TMEM131L: variants seen among roughly 807,000 people sequenced by gnomAD.
TMEM131L encodes transmembrane 131 like, also known as transmembrane protein 131-like.
TMEM131L carries 54 observed loss-of-function variants against 192.2 expected under a neutral mutation model. The ratio of observed to expected loss-of-function variants is 0.28; its 90% CI spans 0.23 to 0.35. The LOEUF is 0.35. TMEM131L is among the 10% of genes least tolerant of loss of function. TMEM131L has a pLI of 1.00. For missense variants in TMEM131L, 1,888 were observed against 1,972.9 expected (o/e 0.96, Z 0.82); for synonymous variants, 701 against 704.9 (o/e 0.99, Z 0.09).
intron 7 of TMEM131L, among the ~76,000 whole-genome samples, chr4:153,561,674 C>T (rs1347640644): frequency 1.3e-5 from 2 of 152,172 alleles, no homozygotes; most frequent in Non-Finnish European, 2.9e-5. Context: ...TCTGTGGCCC[C>T]ATTCCTGGCT....
chr4:153,483,544 CA>C (rs200271979), intron 3 of TMEM131L, among the ~76,000 whole-genome samples: 2 of 150,652 alleles, frequency 1.3e-5, no homozygotes, highest in South Asian at 2.1e-4. Flanking sequence ...AAAAACAAAA[CA>C]AAAAAAAAGT....
Position 153,471,276 on chromosome 4 carries a change from G to A in TMEM131L, c.196-2569G>A, listed in dbSNP as rs140819586. Among the ~76,000 whole-genome samples the A allele has an allele frequency of 1.6e-4, 24 of 152,214 alleles. 1 individual carries two copies. The highest frequency in any genetic ancestry group is 5.5e-4 in the African/African-American group (23 of 41,536). On this transcript the variant is annotated intron_variant, in intron 2 of 34. Coordinates refer to ENST00000409959, the MANE Select transcript of TMEM131L (RefSeq NM_001131007.2). ...GCTGAGATTACAGGTGTGAGTCACC[G>A]TGCCCGGCCCATGTCTTCGTTTTTC...
At chr4:153,520,889 G>T (rs1371852084) in intron 3 of TMEM131L, among the ~76,000 whole-genome samples, 3 of 152,208 alleles carry the variant, frequency 2.0e-5, no homozygotes, top group Non-Finnish European at 4.4e-5. Context: ...GGTAATTGTA[G>T]CTTCTGCTTT....
At chr4:153,542,579 A>G (rs1194518287) in intron 3 of TMEM131L, among the ~76,000 whole-genome samples, 1 of 152,210 alleles carries the variant, frequency 6.6e-6, no homozygotes, top group Non-Finnish European at 1.5e-5. Context: ...TGGTATCCAC[A>G]TAGGGTTCTT....
At position 153,591,106 on chromosome 4, in the gene TMEM131L, CAGA is replaced by C; in HGVS notation, c.1725_1727del (p.Glu576del). 1 of 1,610,536 alleles carries C rather than the reference CAGA, an allele frequency of 6.2e-7. No homozygotes were observed. The highest frequency in any genetic ancestry group is 8.5e-7 in the Non-Finnish European group (1 of 1,177,900). On this transcript the variant is annotated inframe_deletion, in exon 17 of 35. Coordinates refer to ENST00000409959, the MANE Select transcript of TMEM131L (RefSeq NM_001131007.2). Reference sequence around the variant, plus strand: ...GCTCACTTGAAGAAATCCAAGGAGTCAGAGTCCTTTGTTTTCTTTTTGCCTCGT... The same window carrying C: ...GCTCACTTGAAGAAATCCAAGGAGTCGTCCTTTGTTTTCTTTTTGCCTCGT...
intron 7 of TMEM131L, among the ~76,000 whole-genome samples, chr4:153,569,164 A>G (rs1729417966): frequency 6.6e-6 from 1 of 152,238 alleles, no homozygotes; most frequent in African/African-American, 2.4e-5. Context: ...GTTTAGGGAA[A>G]GAGAAGCCTC....
intron 3 of TMEM131L, among the ~76,000 whole-genome samples, chr4:153,488,777 C>T (rs1732548828): frequency 3.3e-5 from 5 of 152,190 alleles, no homozygotes. Context: ...AGTCCTCTGT[C>T]AAGCCGGCAG....
intron 4 of TMEM131L, among the ~76,000 whole-genome samples, chr4:153,550,709 T>A (rs957824174): frequency 7.3e-6 from 1 of 136,718 alleles, no homozygotes; most frequent in African/African-American, 3.3e-5. Flanking sequence ...CCAAAACAAA[T>A]CCGGTTATTT....
At chr4:153,559,257 A>G (rs1400163884) in intron 7 of TMEM131L, among the ~76,000 whole-genome samples, 1 of 152,226 alleles carries the variant, frequency 6.6e-6, no homozygotes, top group African/African-American at 2.4e-5. Flanking sequence ...CAAGTACATA[A>G]TTCTTAGGGA....
chr4:153,476,385 A>G (rs116269527), intron 3 of TMEM131L, among the ~76,000 whole-genome samples: 3,049 of 152,308 alleles, frequency 0.02, 54 homozygotes, highest in South Asian at 0.069. Flanking sequence ...TTTGAACATA[A>G]CTATGTATTC....
intron 3 of TMEM131L, among the ~76,000 whole-genome samples, chr4:153,534,679 C>A (rs1009769925): frequency 6.6e-6 from 1 of 152,134 alleles, no homozygotes; most frequent in Non-Finnish European, 1.5e-5. Context: ...GTGATACGCC[C>A]GCCTCGGCCT....
intron 7 of TMEM131L, among the ~76,000 whole-genome samples, chr4:153,578,021 C>G (rs1730075911): frequency 6.6e-6 from 1 of 152,088 alleles, no homozygotes; most frequent in Non-Finnish European, 1.5e-5. Flanking sequence ...AACTCAGTGT[C>G]TGATGGTTAA....
chr4:153,516,743 A>G (rs1421098811), intron 3 of TMEM131L, among the ~76,000 whole-genome samples: 1 of 152,122 alleles, frequency 6.6e-6, no homozygotes, highest in Non-Finnish European at 1.5e-5. Context: ...CCTTATGCTA[A>G]TGTCTTGAGA....
chr4:153,631,011 A>G (rs893731792), intron 31 of TMEM131L, among the ~76,000 whole-genome samples: 2 of 152,234 alleles, frequency 1.3e-5, no homozygotes, highest in African/African-American at 4.8e-5. Flanking sequence ...CACCTAAACC[A>G]TTGGCAATAG....
chr4:153,534,084 T>C (rs1205655146), intron 3 of TMEM131L, among the ~76,000 whole-genome samples: 1 of 152,140 alleles, frequency 6.6e-6, no homozygotes, highest in Non-Finnish European at 1.5e-5. Flanking sequence ...TAAAAAGAAA[T>C]ATTATGAGGC....
rs143066041 is a variant in TMEM131L, at chr4:153,611,643, C to T, written c.3419-609C>T. ...ATAATAAATACCCATTATCTCCTTT[C>T]CCCAGCCCCTGTTAACCACCAGTCT... On this transcript the variant is annotated intron_variant, in intron 25 of 34. Coordinates refer to ENST00000409959, the MANE Select transcript of TMEM131L (RefSeq NM_001131007.2). Among the ~76,000 whole-genome samples, 167 of 152,236 alleles carry T rather than the reference C, an allele frequency of 1.1e-3. 1 individual carries two copies. Among genetic ancestry groups the T allele is most frequent in the African/African-American group, 3.9e-3 (164 of 41,534 alleles).
Position 153,586,374 on chromosome 4 carries a change from A to T in TMEM131L, c.1477A>T (p.Thr493Ser). 2 of 1,595,708 alleles carry T rather than the reference A, an allele frequency of 1.3e-6. No individual in the cohort carries two copies. Among genetic ancestry groups the T allele is most frequent in the Non-Finnish European group, 1.7e-6 (2 of 1,173,634 alleles). Residue 493 changes from threonine to serine, a missense_variant, in exon 14 of 35, where the codon ACC becomes TCC. Coordinates refer to ENST00000409959, the MANE Select transcript of TMEM131L (RefSeq NM_001131007.2). ...AIPLQIYSAPTKEGSLGFEVI... is the reference protein window; with the variant it reads ...AIPLQIYSAPSKEGSLGFEVI... ...ACCTCTACAGATTTATTCAGCACCAACCAAGGTATTTTCTACAATACTATA... is the reference window on the plus strand; with the variant it reads ...ACCTCTACAGATTTATTCAGCACCATCCAAGGTATTTTCTACAATACTATA...
chr4:153,466,529 T>A lies in TMEM131L; in HGVS notation c.124+8T>A. 1.5e-6 allele frequency: 2 copies of A among 1,341,936 alleles called. No homozygotes were observed. Among genetic ancestry groups the A allele is most frequent in the Non-Finnish European group, 1.9e-6 (2 of 1,040,792 alleles). 83.1% of individuals were successfully genotyped at this position (1,341,936 alleles called of 1,614,324 possible). On this transcript the variant is annotated splice_region_variant and intron_variant, in intron 1 of 34. Transcript: ENST00000409959. ...GAGGGGCTCAGGGACAAGGTCAGCC[T>A]TGCGCCGCTGGGCTCGCTCTGCCTC...
intron 29 of TMEM131L, among the ~76,000 whole-genome samples, chr4:153,623,310 A>G (rs1167482400): frequency 6.6e-6 from 1 of 152,166 alleles, no homozygotes; most frequent in Non-Finnish European, 1.5e-5. Flanking sequence ...CTGTCTTGGA[A>G]ATAGTTCAGA....
Sources: allele counts gnomAD v4.1 joint callset (sites outside exome capture counted in the v4.1 genomes callset), GRCh38; gene constraint gnomAD v4.1.1; transcripts MANE v1.5; gene names NCBI Gene and HGNC (gene_info 2026-07-23, HGNC 2026-07-21).